The following NOS1AP variants were observed in gnomAD, a reference collection of about 807,000 sequenced individuals.
NOS1AP encodes nitric oxide synthase 1 adaptor protein, also known as carboxyl-terminal PDZ ligand of neuronal nitric oxide synthase protein.
A neutral mutation model predicts 56.2 loss-of-function variants in NOS1AP; 21 were observed. The observed-to-expected ratio is 0.37, with a 90% CI of 0.26 to 0.54. NOS1AP has a LOEUF of 0.54. NOS1AP is among the 20% of genes least tolerant of loss of function. The pLI is 0.84. For missense variants in NOS1AP, 522 were observed against 657.8 expected (o/e 0.79, Z 2.26); for synonymous variants, 270 against 274.6 (o/e 0.98, Z 0.17).
chr1:162,298,987 A>T (rs1359865521), intron 3 of NOS1AP, among the ~76,000 whole-genome samples: 1 of 152,242 alleles, frequency 6.6e-6, no homozygotes, highest in African/African-American at 2.4e-5. Context: ...ACGGCTATAG[A>T]TGTGACTTAA....
At chr1:162,084,893 G>C (rs1304138860) in intron 1 of NOS1AP, among the ~76,000 whole-genome samples, 1 of 151,948 alleles carries the variant, frequency 6.6e-6, no homozygotes, top group African/African-American at 2.4e-5. Context: ...TGGAACTCCT[G>C]GGCTCAAGTG....
Position 162,070,283 on chromosome 1 carries a change from G to T in NOS1AP, c.105+1G>T. 6.2e-7 allele frequency: 1 copy of T among 1,611,950 alleles called. No individual in the cohort carries two copies. Among genetic ancestry groups the T allele is most frequent in the Non-Finnish European group, 8.5e-7 (1 of 1,178,388 alleles). On this transcript the variant is annotated splice_donor_variant, in intron 1 of 9. Transcript: ENST00000361897. LOFTEE classifies it high-confidence loss of function. ...GCACGGCATCTGCTTTGAGGCCAAG[G>T]TGAGGGGGCTCCGGGGAGGGTGCTA...
intron 1 of NOS1AP, among the ~76,000 whole-genome samples, chr1:162,104,864 G>C (rs992724382): frequency 2.0e-5 from 3 of 152,126 alleles, no homozygotes; most frequent in Non-Finnish European, 4.4e-5. Flanking sequence ...CCTTTAGCTA[G>C]GCCAAGTTTG....
intron 7 of NOS1AP, 75 bp downstream of exon 7, chr1:162,355,428 C>T: frequency 6.3e-7 from 1 of 1,579,848 alleles, no homozygotes; most frequent in Non-Finnish European, 8.7e-7. Flanking sequence ...CTAGCCCCTG[C>T]CAGCTCAGCT....
intron 1 of NOS1AP, among the ~76,000 whole-genome samples, chr1:162,104,031 G>A (rs1460611540): frequency 1.3e-5 from 2 of 152,210 alleles, no homozygotes; most frequent in African/African-American, 4.8e-5. Flanking sequence ...GTGAGTTTTT[G>A]TAGTGGCTAG....
intron 4 of NOS1AP, among the ~76,000 whole-genome samples, chr1:162,328,397 T>A (rs1656661980): frequency 6.6e-6 from 1 of 152,176 alleles, no homozygotes; most frequent in African/African-American, 2.4e-5. Context: ...AATATAAACA[T>A]GATATTGTTT....
chr1:162,367,098 C>G lies in NOS1AP; in HGVS notation c.1152C>G (p.Ala384=), dbSNP rs770187540. The G allele has an allele frequency of 2.5e-6, 4 of 1,613,974 alleles. No homozygotes were observed. The highest frequency in any genetic ancestry group is 3.4e-6 in the Non-Finnish European group (4 of 1,180,020). The part of the protein sequence containing the change: ...SLLEITFRSG[A]LPVLCDPTTP... Reference sequence around the variant, plus strand: ...TGGAGATCACCTTCCGCTCCGGAGCCCTGCCCGTGCTCTGTGACCCCACGA... The same window carrying G: ...TGGAGATCACCTTCCGCTCCGGAGCGCTGCCCGTGCTCTGTGACCCCACGA... Residue 384 remains alanine (A), a synonymous_variant, in exon 10 of 10, where the codon GCC becomes GCG. Transcript: ENST00000361897. The surrounding 1 kb of genome is among the most constrained non-coding windows in gnomAD (Gnocchi z 6.5).
intron 1 of NOS1AP, among the ~76,000 whole-genome samples, chr1:162,099,882 G>T (rs1692341150): frequency 6.6e-6 from 1 of 151,556 alleles, no homozygotes; most frequent in Admixed American, 6.6e-5. Context: ...AACATGCGGT[G>T]TTTGGTTTTT....
chr1:162,368,812 A>G lies in NOS1AP; in HGVS notation c.*1345A>G, dbSNP rs1647262517. Reference sequence around the variant, plus strand: ...CATATGTTCGGGGAATTAAGTCTTTATCCTAGACAACAAGGTACAGATGCA... The same window carrying G: ...CATATGTTCGGGGAATTAAGTCTTTGTCCTAGACAACAAGGTACAGATGCA... On this transcript the variant is annotated 3_prime_UTR_variant, in exon 10 of 10. Transcript: ENST00000361897. 6.6e-6 allele frequency: 1 copy of G among 152,228 alleles called. No homozygotes were observed. The highest frequency in any genetic ancestry group is 2.4e-5 in the African/African-American group (1 of 41,456). The allele number at this position is 152,228 out of a possible 1,614,324, so 9.4% of individuals were successfully genotyped here.
At chr1:162,238,168 C>A (rs542510114) in intron 2 of NOS1AP, among the ~76,000 whole-genome samples, 1 of 152,102 alleles carries the variant, frequency 6.6e-6, no homozygotes, top group Admixed American at 6.5e-5. Context: ...TTCTGTGTAA[C>A]AATGTGTGGA....
intron 8 of NOS1AP, among the ~76,000 whole-genome samples, chr1:162,358,163 C>CTT (rs1657762300): frequency 6.6e-6 from 1 of 152,186 alleles, no homozygotes; most frequent in African/African-American, 2.4e-5. Flanking sequence ...CCAGGGAGCA[C>CTT]TTATTGCTCT....
intron 1 of NOS1AP, among the ~76,000 whole-genome samples, chr1:162,134,939 C>G (rs2102067603): frequency 6.6e-6 from 1 of 152,330 alleles, no homozygotes; most frequent in Middle Eastern, 3.4e-3. Flanking sequence ...TCTGAACACA[C>G]CAACAGGCCA....
chr1:162,203,203 A>T (rs1213225573), intron 2 of NOS1AP, among the ~76,000 whole-genome samples: 4 of 152,204 alleles, frequency 2.6e-5, no homozygotes, highest in East Asian at 1.9e-4. Context: ...TGAAGGAGGT[A>T]GATTATAAAT....
At chr1:162,172,510 T>C (rs1418089121) in intron 2 of NOS1AP, among the ~76,000 whole-genome samples, 3 of 152,218 alleles carry the variant, frequency 2.0e-5, no homozygotes, top group Admixed American at 2.0e-4. Flanking sequence ...TGGCCATGAC[T>C]CTGTGTTGCC....
intron 1 of NOS1AP, among the ~76,000 whole-genome samples, chr1:162,139,016 C>G (rs1649119515): frequency 6.6e-6 from 1 of 152,152 alleles, no homozygotes; most frequent in South Asian, 2.1e-4. Context: ...CTGCCCTTGC[C>G]CTTGCTTCTT....
At chr1:162,344,132 C>T (rs998311039) in intron 6 of NOS1AP, among the ~76,000 whole-genome samples, 156 bp downstream of exon 6, 3 of 151,978 alleles carry the variant, frequency 2.0e-5, no homozygotes, top group South Asian at 2.1e-4. Flanking sequence ...TTAAGGAACA[C>T]GTATTACTTT....
chr1:162,101,826 TAAG>T (rs1209692953), intron 1 of NOS1AP, among the ~76,000 whole-genome samples: 2 of 152,172 alleles, frequency 1.3e-5, no homozygotes, highest in Non-Finnish European at 2.9e-5. Flanking sequence ...CTTATCAACT[TAAG>T]AAGCTTTTGG....
intron 1 of NOS1AP, among the ~76,000 whole-genome samples, chr1:162,131,219 G>A (rs767904490): frequency 6.6e-6 from 1 of 151,976 alleles, no homozygotes; most frequent in African/African-American, 2.4e-5. Context: ...TAGTCTTGCG[G>A]GCTCTCAGTG....
At chr1:162,290,168 G>A (rs1359146563) in intron 3 of NOS1AP, among the ~76,000 whole-genome samples, 1 of 152,048 alleles carries the variant, frequency 6.6e-6, no homozygotes, top group African/African-American at 2.4e-5. Flanking sequence ...CGTCCTGCTG[G>A]CCCAGAAAAA....
Sources: allele counts gnomAD v4.1 joint callset (sites outside exome capture counted in the v4.1 genomes callset), GRCh38; gene constraint gnomAD v4.1.1; non-coding constraint Gnocchi (gnomAD v3.1); transcripts MANE v1.5; gene names NCBI Gene and HGNC (gene_info 2026-07-23, HGNC 2026-07-21).